ARHGAP28: variants seen among roughly 807,000 people sequenced by gnomAD.
The protein encoded by ARHGAP28 is Rho GTPase activating protein 28.
ARHGAP28 carries 56 observed loss-of-function variants against 90.7 expected under a neutral mutation model. That is an observed-to-expected ratio of 0.62 (90% CI 0.50 to 0.77). The LOEUF is 0.77. ARHGAP28 is among the 30% of genes least tolerant of loss of function. The probability of loss-of-function intolerance (pLI) is 0.00; values close to 1 mark genes in which losing one functional copy is unlikely to be tolerated. For missense variants in ARHGAP28, 869 were observed against 900.9 expected (o/e 0.96, Z 0.45); for synonymous variants, 308 against 323.3 (o/e 0.95, Z 0.51).
At chr18:6,730,049 T>C in intron 1 of ARHGAP28, 106 bp downstream of exon 1, 1 of 1,157,846 alleles carries the variant, frequency 8.6e-7, no homozygotes. Flanking sequence ...TCACTGGATG[T>C]TGTTTCAAGT....
intron 3 of ARHGAP28, 141 bp from the exon 4 acceptor site, chr18:6,850,893 A>G (rs2056905119): frequency 6.5e-7 from 1 of 1,527,914 alleles, no homozygotes; most frequent in Non-Finnish European, 8.7e-7. Context: ...GCTGTTATCA[A>G]TGCCCAGGTA....
intron 1 of ARHGAP28, among the ~76,000 whole-genome samples, chr18:6,778,063 A>G (rs2143459190): frequency 6.6e-6 from 1 of 152,304 alleles, no homozygotes; most frequent in South Asian, 2.1e-4. Flanking sequence ...GTTTTTTCCA[A>G]TATTCTCAGA....
chr18:6,890,673 A>G (rs1203245702), intron 14 of ARHGAP28, 130 bp downstream of exon 14: 1 of 548,508 alleles, frequency 1.8e-6, no homozygotes, highest in East Asian at 2.9e-5. Context: ...TGTTGTAACT[A>G]TAAACATCAT....
rs534908113 is a variant in ARHGAP28 at position 6,792,717 on chromosome 18, C to G, written c.123-32045C>G. ...GAAAATAACATAATGGCGCAGTAAT[C>G]GTGACCTCTGTGGAACTCTGTAGTT... On this transcript the variant is annotated intron_variant, in intron 1 of 17. Transcript: ENST00000383472. 3.3e-5 allele frequency among the ~76,000 whole-genome samples: 5 copies of G among 152,206 alleles called. No individual in the cohort carries two copies. The East Asian group carries it at 9.6e-4, about 29-fold the overall frequency.
rs150666849 is a variant in ARHGAP28, at chr18:6,884,328, C to G, written c.1453+2029C>G. The stretch of plus-strand genomic sequence containing the variant: ...GGTGGAGCTTATAGTGAGCCGAGAT[C>G]GTGCCACTGCACTCCAGCCTGGGCG... On this transcript the variant is annotated intron_variant, in intron 11 of 17. Transcript: ENST00000383472. Among the ~76,000 whole-genome samples, 546 of 152,212 alleles carry G rather than the reference C, an allele frequency of 3.6e-3. 5 individuals are homozygous for G. Among genetic ancestry groups the G allele is most frequent in the African/African-American group, 0.012 (509 of 41,538 alleles).
intron 1 of ARHGAP28, among the ~76,000 whole-genome samples, chr18:6,739,537 A>C (rs557116261): frequency 1.3e-5 from 2 of 150,914 alleles, no homozygotes; most frequent in East Asian, 3.9e-4. Context: ...ATATATAAAC[A>C]TATATTCTTA....
intron 1 of ARHGAP28, among the ~76,000 whole-genome samples, chr18:6,786,991 C>G (rs185112915): frequency 3.3e-5 from 5 of 151,710 alleles, no homozygotes; most frequent in Non-Finnish European, 5.9e-5. Flanking sequence ...AGGCTGATGC[C>G]GACGGATCAC....
Position 6,729,723 on chromosome 18 carries a change from G to A in ARHGAP28, c.-99G>A. 8.1e-7 allele frequency: 1 copy of A among 1,233,302 alleles called. No homozygotes were observed. Among genetic ancestry groups the A allele is most frequent in the Non-Finnish European group, 1.0e-6 (1 of 972,002 alleles). The allele number at this position is 1,233,302 out of a possible 1,614,324, so 76.4% of individuals were successfully genotyped here. On this transcript the variant is annotated 5_prime_UTR_variant, in exon 1 of 18. Coordinates refer to ENST00000383472, the MANE Select transcript of ARHGAP28 (RefSeq NM_001366230.1). Reference sequence around the variant, plus strand: ...GGGAGAGAGCGGCTGGTCGCACCTCGGGCCGCGCCGCCCAGCTGCTGACAG... The same window carrying A: ...GGGAGAGAGCGGCTGGTCGCACCTCAGGCCGCGCCGCCCAGCTGCTGACAG...
chr18:6,900,160 C>T (rs924452737), intron 16 of ARHGAP28, among the ~76,000 whole-genome samples: 7 of 152,134 alleles, frequency 4.6e-5, no homozygotes, highest in Admixed American at 3.9e-4. Context: ...CATACTTGCC[C>T]ACCCAGACCT....
Position 6,882,101 on chromosome 18 carries a change from G to A in ARHGAP28, c.1291-36G>A, listed in dbSNP as rs116340070. The A allele has an allele frequency of 6.9e-4, 1,086 of 1,574,954 alleles. 7 individuals are homozygous for A. The African/African-American group carries it at 0.013, about 19-fold the overall frequency. ...GGGAAAATGGGGTCAGGTGGTAAAA[G>A]TGCATTGAATACTGACTGTTTTCCT... On this transcript the variant is annotated intron_variant, in intron 10 of 17. Coordinates refer to ENST00000383472, the MANE Select transcript of ARHGAP28 (RefSeq NM_001366230.1).
At chr18:6,820,178 G>A (rs1033826971) in intron 1 of ARHGAP28, among the ~76,000 whole-genome samples, 1 of 151,948 alleles carries the variant, frequency 6.6e-6, no homozygotes, top group African/African-American at 2.4e-5. Context: ...GAGGATAGAT[G>A]GGCAAAAATT....
chr18:6,859,530 C>A (rs1258052880), intron 4 of ARHGAP28, among the ~76,000 whole-genome samples: 5 of 152,108 alleles, frequency 3.3e-5, no homozygotes, highest in Non-Finnish European at 7.4e-5. Flanking sequence ...TTTGATTTAC[C>A]CCAATTCCCT....
intron 1 of ARHGAP28, among the ~76,000 whole-genome samples, chr18:6,775,455 GA>G (rs1396718815): frequency 6.6e-6 from 1 of 152,130 alleles, no homozygotes; most frequent in Non-Finnish European, 1.5e-5. Flanking sequence ...GTGTGTTAAG[GA>G]AGCCTTCGAT....
In ARHGAP28 at chr18:6,914,244, C is replaced by A. The variant is rs1325269976; in HGVS notation, c.*2090C>A. 6.6e-6 allele frequency: 1 copy of A among 152,168 alleles called. No homozygotes were observed. Among genetic ancestry groups the A allele is most frequent in the African/African-American group, 2.4e-5 (1 of 41,442 alleles). 9.4% of individuals were successfully genotyped at this position (152,168 alleles called of 1,614,324 possible). On this transcript the variant is annotated 3_prime_UTR_variant, in exon 18 of 18. Transcript: ENST00000383472. ...TTTCAAATAAATCCCTAATAGGTAA[C>A]AAGTAAAATACAAATTCTTGTCTAC...
chr18:6,788,927 G>A (rs2056386387), intron 1 of ARHGAP28: 1 of 152,212 alleles, frequency 6.6e-6, no homozygotes, highest in Non-Finnish European at 1.5e-5. Context: ...CCACAACAGT[G>A]TTTGGGAAGA....
chr18:6,833,446 T>TTC (rs1271049481), intron 2 of ARHGAP28, among the ~76,000 whole-genome samples: 4 of 151,496 alleles, frequency 2.6e-5, no homozygotes, highest in East Asian at 1.9e-4. Flanking sequence ...CTCTCTCTCT[T>TTC]TCTCTCTCTC....
At chr18:6,758,712 T>A (rs988688622) in intron 1 of ARHGAP28, among the ~76,000 whole-genome samples, 2 of 152,176 alleles carry the variant, frequency 1.3e-5, no homozygotes, top group African/African-American at 4.8e-5. Context: ...AGCTGCTTGG[T>A]CTAGTTAAAC....
At chr18:6,810,038 C>A (rs1012152232) in intron 1 of ARHGAP28, among the ~76,000 whole-genome samples, 2 of 152,142 alleles carry the variant, frequency 1.3e-5, no homozygotes, top group Non-Finnish European at 2.9e-5. Context: ...TTAATGGATA[C>A]TTTGGAGAAA....
intron 1 of ARHGAP28, among the ~76,000 whole-genome samples, chr18:6,808,262 T>C (rs1281375388): frequency 6.6e-6 from 1 of 152,228 alleles, no homozygotes; most frequent in Non-Finnish European, 1.5e-5. Context: ...ATTTCACATA[T>C]TGTATTTTTT....
Sources: gnomAD v4.1 joint callset for allele counts (sites outside exome capture counted in the v4.1 genomes callset) on GRCh38, gnomAD v4.1.1 for gene constraint, MANE v1.5 for transcripts, NCBI Gene and HGNC (gene_info 2026-07-23, HGNC 2026-07-21) for gene names.